CAND1: variants seen among roughly 807,000 people sequenced by gnomAD.
The protein encoded by CAND1 is cullin-associated NEDD8-dissociated protein 1.
In CAND1, 7 loss-of-function variants were observed where a neutral mutation model predicts 108.5. The ratio of observed to expected loss-of-function variants is 0.06; its 90% CI spans 0.04 to 0.12. The LOEUF (loss-of-function observed/expected upper bound fraction) is 0.12, where lower values mean the gene tolerates loss of function less well. Ranked by LOEUF, CAND1 falls within the 10% of genes least tolerant of loss-of-function variation. CAND1 has a pLI of 1.00. For missense variants in CAND1, 941 were observed against 1,448.7 expected (o/e 0.65, Z 5.69); for synonymous variants, 534 against 512.0 (o/e 1.04, Z -0.58).
intron 1 of CAND1, among the ~76,000 whole-genome samples, chr12:67,273,084 A>G (rs1025070672): frequency 1.3e-4 from 20 of 152,226 alleles, no homozygotes; most frequent in Non-Finnish European, 4.4e-5. Context: ...CTTAATTACT[A>G]GGATAGTGCC....
rs900172978 is a variant in CAND1, at chr12:67,318,855, G to T, written c.*6025G>T. On this transcript the variant is annotated 3_prime_UTR_variant, in exon 15 of 15. Coordinates refer to ENST00000545606, the MANE Select transcript of CAND1 (RefSeq NM_018448.5). Reference sequence around the variant, plus strand: ...GGATACTGGGGGTTAATAATTGAGGGTATGGTCCATTCAACATGAGTGAGA... The same window carrying T: ...GGATACTGGGGGTTAATAATTGAGGTTATGGTCCATTCAACATGAGTGAGA... The T allele has an allele frequency of 2.4e-4, 37 of 152,152 alleles. No individual in the cohort carries two copies. Among genetic ancestry groups the T allele is most frequent in the African/African-American group, 8.2e-4 (34 of 41,424 alleles). The allele number at this position is 152,152 out of a possible 1,614,324, so 9.4% of individuals were successfully genotyped here.
chr12:67,283,548 A>T (rs1346608896), intron 2 of CAND1, among the ~76,000 whole-genome samples: 2 of 151,196 alleles, frequency 1.3e-5, no homozygotes, highest in Non-Finnish European at 2.9e-5. Flanking sequence ...GTGCCACTGC[A>T]TGCCAGCCTG....
At chr12:67,294,943 G>A in intron 3 of CAND1, 90 bp from the exon 4 acceptor site, 1 of 1,337,988 alleles carries the variant, frequency 7.5e-7, no homozygotes, top group Non-Finnish European at 1.0e-6. Context: ...ATCAAGTGTG[G>A]AGTTGTTAAA....
chr12:67,302,377 C>T lies in CAND1; in HGVS notation c.1055C>T (p.Ala352Val). 6.2e-7 allele frequency: 1 copy of T among 1,613,954 alleles called. No homozygotes were observed. The highest frequency in any genetic ancestry group is 8.5e-7 in the Non-Finnish European group (1 of 1,179,898). The change falls in exon 8 of 15, where the codon GCA (alanine) becomes GTA (valine). Residue 352 changes from alanine (A) to valine (V), a missense_variant. Ala to Val is a moderately conservative substitution (Grantham distance 64). Transcript: ENST00000545606. ...DDDMSWKVRR[A>V]AAKCLDAVVS... ...GACATGAGTTGGAAAGTGAGACGTGCAGCTGCGAAGTGCTTGGATGCTGTA... is the reference window on the plus strand; with the variant it reads ...GACATGAGTTGGAAAGTGAGACGTGTAGCTGCGAAGTGCTTGGATGCTGTA...
At chr12:67,308,125 A>G (rs2044908208) in intron 11 of CAND1, among the ~76,000 whole-genome samples, 1 of 152,068 alleles carries the variant, frequency 6.6e-6, no homozygotes, top group African/African-American at 2.4e-5. Context: ...GATAATAGCC[A>G]AAAACACCTC....
chr12:67,296,386 C>A (rs1276864638), intron 4 of CAND1, among the ~76,000 whole-genome samples: 1 of 151,614 alleles, frequency 6.6e-6, no homozygotes, highest in Non-Finnish European at 1.5e-5. Flanking sequence ...GAATCCCCCC[C>A]TAAAAAAGCA....
chr12:67,300,933 C>CTTTACTTTATCACTTTACTTTATCACT (rs2136012945), intron 7 of CAND1, among the ~76,000 whole-genome samples: 1 of 152,198 alleles, frequency 6.6e-6, no homozygotes, highest in Non-Finnish European at 1.5e-5. Context: ...TGCTTTATCA[C>CTTTACTTTATCACTTTACTTTATCACT]TTAGTATGAA....
At chr12:67,286,100 C>T (rs552270899) in intron 2 of CAND1, among the ~76,000 whole-genome samples, 3 of 152,200 alleles carry the variant, frequency 2.0e-5, no homozygotes, top group Admixed American at 6.5e-5. Flanking sequence ...CTCTGCCTCC[C>T]GGGTTCACTC....
At chr12:67,300,119 G>C (rs1565724960) in intron 7 of CAND1, among the ~76,000 whole-genome samples, 1 of 152,032 alleles carries the variant, frequency 6.6e-6, no homozygotes, top group Admixed American at 6.6e-5. Flanking sequence ...TCTGCCTATC[G>C]TATTACTCAG....
At chr12:67,304,377 C>G (rs2044857471) in intron 8 of CAND1, among the ~76,000 whole-genome samples, 1 of 152,128 alleles carries the variant, frequency 6.6e-6, no homozygotes, top group South Asian at 2.1e-4. Flanking sequence ...TAAATGATAG[C>G]TTTTCTGTAA....
chr12:67,308,714 ATTG>A (rs1334617151), intron 11 of CAND1, among the ~76,000 whole-genome samples: 1 of 152,032 alleles, frequency 6.6e-6, no homozygotes, highest in Non-Finnish European at 1.5e-5. Context: ...TATATACTCT[ATTG>A]TAATTACTCT....
At chr12:67,289,828 T>G (rs536945859) in intron 2 of CAND1, among the ~76,000 whole-genome samples, 1 of 152,360 alleles carries the variant, frequency 6.6e-6, no homozygotes, top group South Asian at 2.1e-4. Flanking sequence ...CCTTTCAGTT[T>G]TTTTTATTTT....
chr12:67,286,213 T>C (rs1465999269), intron 2 of CAND1, among the ~76,000 whole-genome samples: 1 of 152,142 alleles, frequency 6.6e-6, no homozygotes, highest in African/African-American at 2.4e-5. Context: ...GGTTTCACCA[T>C]GTTAGCCAGG....
At chr12:67,310,416 TTGTC>T in intron 13 of CAND1, 100 bp downstream of exon 13, 1 of 870,202 alleles carries the variant, frequency 1.1e-6, no homozygotes, top group Admixed American at 2.7e-5. Context: ...AAAAATCAGG[TTGTC>T]TGTGAAGATT....
At chr12:67,304,448 CTT>C (rs1287829405) in intron 8 of CAND1, among the ~76,000 whole-genome samples, 155 bp from the exon 9 acceptor site, 1 of 152,172 alleles carries the variant, frequency 6.6e-6, no homozygotes, top group African/African-American at 2.4e-5. Context: ...ATGCAACAAA[CTT>C]GATCTTGTGT....
chr12:67,302,536 C>G lies in CAND1; in HGVS notation c.1214C>G (p.Thr405Ser). The change falls in exon 8 of 15, where the codon ACT becomes AGT. Residue 405 changes from threonine (T) to serine (S), a missense_variant. Physicochemically the swap from Thr to Ser is moderately conservative, Grantham distance 58 (BLOSUM62 1). This residue lies in a region of CAND1 where 697 missense variants were observed against 942.0 expected (regional missense o/e 0.74). Coordinates refer to ENST00000545606, the MANE Select transcript of CAND1 (RefSeq NM_018448.5). ...GCATACCTTTCTCTTTTGAAGCAAACTCGTCCTGTACAAAGTTGGCTATGT... is the reference window on the plus strand; with the variant it reads ...GCATACCTTTCTCTTTTGAAGCAAAGTCGTCCTGTACAAAGTTGGCTATGT... ...FHAYLSLLKQ[T>S]RPVQSWLCDP... is the part of the protein sequence containing the mutation. 1 of 1,614,102 alleles carries G rather than the reference C, an allele frequency of 6.2e-7. No individual in the cohort carries two copies. Among genetic ancestry groups the G allele is most frequent in the Non-Finnish European group, 8.5e-7 (1 of 1,179,964 alleles).
At chr12:67,273,087 A>T (rs926309794) in intron 1 of CAND1, among the ~76,000 whole-genome samples, 1 of 152,236 alleles carries the variant, frequency 6.6e-6, no homozygotes, top group Non-Finnish European at 1.5e-5. Flanking sequence ...AATTACTAGG[A>T]TAGTGCCTGT....
At chr12:67,290,132 A>C (rs1285031513) in intron 2 of CAND1, among the ~76,000 whole-genome samples, 1 of 152,218 alleles carries the variant, frequency 6.6e-6, no homozygotes, top group African/African-American at 2.4e-5. Context: ...TTGTTTCAAT[A>C]TGCATTCTAC....
intron 1 of CAND1, among the ~76,000 whole-genome samples, chr12:67,280,842 A>G (rs1484936843): frequency 6.7e-6 from 1 of 150,230 alleles, no homozygotes; most frequent in Non-Finnish European, 1.5e-5. Flanking sequence ...TTGCCAGGCA[A>G]CACACTGTTA....
Sources: allele counts gnomAD v4.1 joint callset (sites outside exome capture counted in the v4.1 genomes callset), GRCh38; gene constraint gnomAD v4.1.1; regional missense constraint gnomAD v4.1.1; transcripts MANE v1.5; gene names NCBI Gene and HGNC (gene_info 2026-07-23, HGNC 2026-07-21).